Variants in BCAT1 observed in about 807,000 individuals in gnomAD.
The protein encoded by BCAT1 is branched-chain-amino-acid aminotransferase, cytosolic.
BCAT1 carries 48 observed loss-of-function variants against 52.4 expected under a neutral mutation model. The ratio of observed to expected loss-of-function variants is 0.92; its 90% CI spans 0.73 to 1.16. BCAT1 has a LOEUF of 1.16. Ranked by LOEUF, BCAT1 falls within the 50% of genes most tolerant of loss-of-function variation. BCAT1 has a pLI of 0.00. For synonymous variants in BCAT1, 167 were observed against 161.3 expected, an observed-to-expected ratio of 1.04 and a Z score of -0.27; for missense variants, 451 against 457.1, an observed-to-expected ratio of 0.99 and a Z score of 0.12.
intron 5 of BCAT1, among the ~76,000 whole-genome samples, chr12:24,874,628 A>G (rs1300099397): frequency 6.6e-6 from 1 of 152,256 alleles, no homozygotes; most frequent in African/African-American, 2.4e-5. Flanking sequence ...ACTGGCAGAC[A>G]TATATTTCAT....
At chr12:24,942,468 C>T (rs1316986868) in intron 1 of BCAT1, among the ~76,000 whole-genome samples, 1 of 150,968 alleles carries the variant, frequency 6.6e-6, no homozygotes, top group African/African-American at 2.4e-5. Flanking sequence ...TGCTTGAACC[C>T]GGGAGGCAGA....
intron 1 of BCAT1, among the ~76,000 whole-genome samples, chr12:24,942,338 C>G (rs1591895232): frequency 1.3e-5 from 2 of 151,982 alleles, no homozygotes; most frequent in East Asian, 3.9e-4. Context: ...GTCAAGAGTT[C>G]TAGACCAGCC....
chr12:24,908,484 C>T (rs527944112), intron 1 of BCAT1, among the ~76,000 whole-genome samples: 1 of 152,234 alleles, frequency 6.6e-6, no homozygotes, highest in African/African-American at 2.4e-5. Context: ...CACCTGTAAT[C>T]CCCCCACTTT....
At chr12:24,905,770 G>A (rs569449219) in intron 1 of BCAT1, among the ~76,000 whole-genome samples, 5 of 152,028 alleles carry the variant, frequency 3.3e-5, no homozygotes, top group Admixed American at 2.6e-4. Flanking sequence ...CCATTGAAAG[G>A]TTAAGGATTA....
At chr12:24,943,493 G>GAAAAAAAAA (rs4031153) in intron 1 of BCAT1, among the ~76,000 whole-genome samples, 2 of 58,554 alleles carry the variant, frequency 3.4e-5, no homozygotes, top group East Asian at 6.1e-4. Flanking sequence ...ACCCTATCTG[G>GAAAAAAAAA]AAAAAAAAAA....
At chr12:24,854,142 C>A (rs555606332) in intron 5 of BCAT1, among the ~76,000 whole-genome samples, 1 of 152,182 alleles carries the variant, frequency 6.6e-6, no homozygotes, top group South Asian at 2.1e-4. Context: ...AAAATCATCA[C>A]TTTCCTCTGA....
chr12:24,903,358 C>G (rs965188935), intron 1 of BCAT1: 4 of 214,082 alleles, frequency 1.9e-5, no homozygotes, highest in African/African-American at 4.6e-5. Flanking sequence ...GGCCGGGAAG[C>G]GCCCCTCGGT....
intron 7 of BCAT1, among the ~76,000 whole-genome samples, chr12:24,838,312 G>T (rs568412680): frequency 4.6e-5 from 7 of 152,232 alleles, no homozygotes; most frequent in African/African-American, 1.7e-4. Context: ...ACAGCAGTAT[G>T]GCTTTTTTGA....
Position 24,832,707 on chromosome 12 carries a change from G to A in BCAT1, c.1044+16C>T, listed in dbSNP as rs752437562. ...GTGATTGGAAATGATAGGAAATGAG[G>A]AAATACTTGTCGTACCTCGCCTTTG... is the stretch of plus-strand genomic sequence containing the variant. On this transcript the variant is annotated intron_variant, in intron 9 of 10. Transcript: ENST00000261192. 6.3e-6 allele frequency: 10 copies of A among 1,593,554 alleles called. No individual in the cohort carries two copies. In the East Asian group the frequency reaches 1.8e-4, roughly 29 times the overall value.
Position 24,810,873 on chromosome 12 carries a change from G to T in BCAT1, c.*7135C>A, listed in dbSNP as rs1202080293. The T allele has an allele frequency of 2.0e-5, 3 of 152,112 alleles. No homozygotes were observed. Among genetic ancestry groups the T allele is most frequent in the Non-Finnish European group, 4.4e-5 (3 of 68,018 alleles). 9.4% of individuals were successfully genotyped at this position (152,112 alleles called of 1,614,324 possible). On this transcript the variant is annotated 3_prime_UTR_variant, in exon 11 of 11. Transcript: ENST00000261192. ...TTTGTTCTCCCTTGGTGCTTTTGAG[G>T]ACAATTTCTGCAAGGCCTGGTTTGG...
At chr12:24,888,274 G>A (rs962717112) in intron 3 of BCAT1, among the ~76,000 whole-genome samples, 8 of 152,120 alleles carry the variant, frequency 5.3e-5, no homozygotes, top group East Asian at 3.8e-4. Context: ...TGAGGCAGGC[G>A]GATCACTTGA....
At chr12:24,843,623 A>G (rs1379642197) in intron 6 of BCAT1, among the ~76,000 whole-genome samples, 1 of 152,074 alleles carries the variant, frequency 6.6e-6, no homozygotes, top group Non-Finnish European at 1.5e-5. Context: ...AAAATTAAAC[A>G]TTAGAGCCAC....
At chr12:24,936,752 C>A (rs1462977848) in intron 1 of BCAT1, among the ~76,000 whole-genome samples, 1 of 151,690 alleles carries the variant, frequency 6.6e-6, no homozygotes, top group Non-Finnish European at 1.5e-5. Context: ...TACACACACA[C>A]ATACACACAC....
At chr12:24,943,619 T>C (rs1371872513) in intron 1 of BCAT1, among the ~76,000 whole-genome samples, 1 of 152,162 alleles carries the variant, frequency 6.6e-6, no homozygotes, top group African/African-American at 2.4e-5. Context: ...CTCTTTTATT[T>C]GTATTATTTA....
In BCAT1 at chr12:24,873,324, C is replaced by T. The variant is rs57668721; in HGVS notation, c.510+5206G>A. On this transcript the variant is annotated intron_variant, in intron 5 of 10. Coordinates refer to ENST00000261192, the MANE Select transcript of BCAT1 (RefSeq NM_005504.7). ...ACTGTAGTTTCTCTTTTAGATTTAACAACCCATAAATAAATACTTTAGGAG... is the reference window on the plus strand; with the variant it reads ...ACTGTAGTTTCTCTTTTAGATTTAATAACCCATAAATAAATACTTTAGGAG... 4.4e-3 allele frequency among the ~76,000 whole-genome samples: 670 copies of T among 152,292 alleles called. 4 individuals carry two copies. Among genetic ancestry groups the T allele is most frequent in the African/African-American group, 0.016 (649 of 41,576 alleles).
chr12:24,875,737 TAGTG>T (rs1942316882), intron 5 of BCAT1, among the ~76,000 whole-genome samples: 1 of 152,148 alleles, frequency 6.6e-6, no homozygotes, highest in Non-Finnish European at 1.5e-5. Context: ...AATTCCCTAA[TAGTG>T]AGAATGATCA....
intron 1 of BCAT1, among the ~76,000 whole-genome samples, chr12:24,926,073 C>T (rs1226471558): frequency 1.3e-5 from 2 of 152,034 alleles, no homozygotes; most frequent in Non-Finnish European, 2.9e-5. Flanking sequence ...GTGAGGAGCC[C>T]CTCTGCCTGG....
chr12:24,851,066 A>G (rs182630339), intron 5 of BCAT1, among the ~76,000 whole-genome samples: 1 of 152,302 alleles, frequency 6.6e-6, no homozygotes, highest in Non-Finnish European at 1.5e-5. Context: ...TTGTTTATTA[A>G]GGAAGAAAAC....
chr12:24,826,377 C>T (rs1244178227), intron 10 of BCAT1, among the ~76,000 whole-genome samples: 4 of 152,126 alleles, frequency 2.6e-5, no homozygotes, highest in Admixed American at 2.6e-4. Context: ...TTCCCAGCAC[C>T]ATTTATTGAA....
Sources: gnomAD v4.1 joint callset for allele counts (sites outside exome capture counted in the v4.1 genomes callset) on GRCh38, gnomAD v4.1.1 for gene constraint, MANE v1.5 for transcripts, NCBI Gene and HGNC (gene_info 2026-07-23, HGNC 2026-07-21) for gene names.